GID4: variants seen among roughly 807,000 people sequenced by gnomAD.
The protein encoded by GID4 is GID complex subunit 4 homolog.
GID4 carries 7 observed loss-of-function variants against 32.4 expected under a neutral mutation model. The observed-to-expected ratio is 0.22, with a 90% CI of 0.12 to 0.41. The LOEUF (loss-of-function observed/expected upper bound fraction) is 0.41, where lower values mean the gene tolerates loss of function less well. Among genes scored for constraint, GID4 ranks in the 10% least tolerant of loss-of-function variants. The pLI is 1.00. For synonymous variants in GID4, 166 were observed against 170.0 expected (o/e 0.98, Z 0.18); for missense variants, 309 against 400.0 (o/e 0.77, Z 1.94).
intron 5 of GID4, 23 bp from the exon 6 acceptor site, chr17:18,065,157 T>C (rs2045049477): frequency 6.2e-7 from 1 of 1,602,496 alleles, no homozygotes; most frequent in Non-Finnish European, 8.6e-7. Flanking sequence ...CTACCTCCCG[T>C]TTCTGTCTCC....
chr17:18,047,678 G>C (rs1438217356), intron 2 of GID4, among the ~76,000 whole-genome samples: 1 of 152,208 alleles, frequency 6.6e-6, no homozygotes, highest in Non-Finnish European at 1.5e-5. Flanking sequence ...ACCCTCCCCA[G>C]AGTTGCCTGT....
chr17:18,051,528 T>C (rs2044909550), intron 2 of GID4, among the ~76,000 whole-genome samples: 1 of 151,378 alleles, frequency 6.6e-6, no homozygotes, highest in Non-Finnish European at 1.5e-5. Context: ...ATACAAAAAT[T>C]AGCCACACGT....
At chr17:18,049,312 G>A (rs916340121) in intron 2 of GID4, among the ~76,000 whole-genome samples, 3 of 147,940 alleles carry the variant, frequency 2.0e-5, no homozygotes, top group Non-Finnish European at 4.5e-5. Context: ...CTCCAACCTC[G>A]GCAACAGAGT....
At chr17:18,062,673 G>A (rs191993351) in intron 5 of GID4, among the ~76,000 whole-genome samples, 43 of 152,292 alleles carry the variant, frequency 2.8e-4, no homozygotes, top group Non-Finnish European at 1.2e-4. Context: ...TCCTTGTTCA[G>A]TGGTAACGAA....
At chr17:18,057,384 A>G in intron 3 of GID4, 1 of 211,908 alleles carries the variant, frequency 4.7e-6, no homozygotes, top group Non-Finnish European at 9.6e-6. Context: ...GTGAGCTGAG[A>G]TCATGCCATT....
At position 18,039,574 on chromosome 17, in the gene GID4, G is replaced by C. The variant is rs984736907; in HGVS notation, c.110G>C (p.Arg37Pro). 5 of 1,301,524 alleles carry C rather than the reference G, an allele frequency of 3.8e-6. No homozygotes were observed. The African/African-American group carries it at 6.2e-5, about 16-fold the overall frequency. The allele number at this position is 1,301,524 out of a possible 1,614,324, so 80.6% of individuals were successfully genotyped here. A position where few individuals can be genotyped will look rare whatever the true frequency, so the allele number is the denominator to read the frequency against. The stretch of plus-strand genomic sequence containing the variant: ...CCGGAGCGCTTGCTCCGCAGGCAGC[G>C]GGCGGGTGGTCGCCCCTCCCGCCCC... ...WRPERLLRRQ[R>P]AGGRPSRPHP... The change falls in exon 1 of 6, where the codon CGG (arginine) becomes CCG (proline). Residue 37 changes from arginine to proline, a missense_variant. This residue lies in a region of GID4 where 193 missense variants were observed against 185.8 expected (regional missense o/e 1.04). Transcript: ENST00000268719. This position sits in a 1 kb window ranked among gnomAD's most constrained non-coding sequence, Gnocchi z 5.3.
intron 5 of GID4, 112 bp from the exon 6 acceptor site, chr17:18,065,068 C>T: frequency 2.7e-6 from 2 of 747,266 alleles, no homozygotes; most frequent in Non-Finnish European, 4.8e-6. Flanking sequence ...ATGTGCATTT[C>T]AGTCCAAGTA....
chr17:18,067,464 C>T lies in GID4; in HGVS notation c.*2221C>T, dbSNP rs959269160. ...CAGGTGATGAAGTGCACCCATTGTA[C>T]TGGGAAGAATGAAGAGGTGATACCT... On this transcript the variant is annotated 3_prime_UTR_variant, in exon 6 of 6. Coordinates refer to ENST00000268719, the MANE Select transcript of GID4 (RefSeq NM_024052.5). The T allele has an allele frequency of 6.6e-6, 1 of 152,236 alleles. No homozygotes were observed. Among genetic ancestry groups the T allele is most frequent in the Non-Finnish European group, 1.5e-5 (1 of 68,046 alleles). 9.4% of individuals were successfully genotyped at this position (152,236 alleles called of 1,614,324 possible).
rs1351916771 is a variant in GID4 at position 18,056,578 on chromosome 17, C to T, written c.607-2290C>T. Reference sequence around the variant, plus strand: ...CTCTCTCCCATTCAACTCTATTTTCCATTTCATATTGGTCCTGCAAAAAGC... The same window carrying T: ...CTCTCTCCCATTCAACTCTATTTTCTATTTCATATTGGTCCTGCAAAAAGC... On this transcript the variant is annotated intron_variant, in intron 3 of 5. Transcript: ENST00000268719. 4.7e-6 allele frequency: 4 copies of T among 858,170 alleles called. No individual in the cohort carries two copies. In the African/African-American group the frequency reaches 5.1e-5, roughly 11 times the overall value. 53.2% of individuals were successfully genotyped at this position (858,170 alleles called of 1,614,324 possible).
chr17:18,043,600 G>A (rs1342473961), intron 1 of GID4, among the ~76,000 whole-genome samples: 1 of 152,180 alleles, frequency 6.6e-6, no homozygotes, highest in Non-Finnish European at 1.5e-5. Context: ...GTTTTCACAG[G>A]GAATACCTTT....
chr17:18,040,202 G>A (rs1455995878), intron 1 of GID4, among the ~76,000 whole-genome samples: 1 of 152,186 alleles, frequency 6.6e-6, no homozygotes, highest in African/African-American at 2.4e-5. Flanking sequence ...ATGACTCGGA[G>A]AAGGCCTGGG....
At chr17:18,059,366 AC>A (rs1053107310) in intron 4 of GID4, among the ~76,000 whole-genome samples, 1 of 152,074 alleles carries the variant, frequency 6.6e-6, no homozygotes, top group Non-Finnish European at 1.5e-5. Flanking sequence ...CATCAGTTGT[AC>A]CCAGATCCCT....
chr17:18,067,015 C>T lies in GID4; in HGVS notation c.*1772C>T, dbSNP rs1199450923. 1 of 152,192 alleles carries T rather than the reference C, an allele frequency of 6.6e-6. No homozygotes were observed. Among genetic ancestry groups the T allele is most frequent in the Non-Finnish European group, 1.5e-5 (1 of 68,054 alleles). The allele number at this position is 152,192 out of a possible 1,614,324, so 9.4% of individuals were successfully genotyped here. ...CCCAGAGATGAGTCAGAACAGTCTC[C>T]TCAATCCTGAAATTCAACAAGGCAT... On this transcript the variant is annotated 3_prime_UTR_variant, in exon 6 of 6. Coordinates refer to ENST00000268719, the MANE Select transcript of GID4 (RefSeq NM_024052.5).
chr17:18,062,441 C>T (rs1384027277), intron 5 of GID4, among the ~76,000 whole-genome samples: 2 of 152,182 alleles, frequency 1.3e-5, no homozygotes, highest in African/African-American at 4.8e-5. Flanking sequence ...GTGGACAGTC[C>T]TGTCCAGTGT....
In GID4 at chr17:18,039,567, A is replaced by C; in HGVS notation, c.103A>C (p.Arg35=). The stretch of plus-strand genomic sequence containing the variant: ...GTGGCGGCCGGAGCGCTTGCTCCGC[A>C]GGCAGCGGGCGGGTGGTCGCCCCTC... ...SRWRPERLLR[R]QRAGGRPSRP... is the part of the protein sequence containing the mutation. The change falls in exon 1 of 6, where the codon AGG becomes CGG. Residue 35 remains arginine (R), a synonymous_variant. Transcript: ENST00000268719. The surrounding 1 kb of genome is among the most constrained non-coding windows in gnomAD (Gnocchi z 5.3). The C allele has an allele frequency of 7.7e-7, 1 of 1,302,226 alleles. No homozygotes were observed. 80.7% of individuals were successfully genotyped at this position (1,302,226 alleles called of 1,614,324 possible). A position where few individuals can be genotyped will look rare whatever the true frequency, so the allele number is the denominator to read the frequency against.
chr17:18,056,141 C>A (rs1008764865), intron 3 of GID4, among the ~76,000 whole-genome samples: 9 of 152,262 alleles, frequency 5.9e-5, no homozygotes, highest in African/African-American at 2.2e-4. Context: ...AGGCGTGAGC[C>A]ACCATGCCCA....
intron 2 of GID4, among the ~76,000 whole-genome samples, chr17:18,052,699 AT>A (rs1200368318): frequency 6.6e-6 from 1 of 152,216 alleles, no homozygotes; most frequent in Non-Finnish European, 1.5e-5. Context: ...CTTTTTTAAA[AT>A]CATTGGTGCC....
At chr17:18,046,847 G>A (rs776324801) in intron 2 of GID4, among the ~76,000 whole-genome samples, 10 of 150,950 alleles carry the variant, frequency 6.6e-5, no homozygotes, top group Admixed American at 6.6e-5. Context: ...GCTTGAACCC[G>A]GGAGGCGGAG....
At chr17:18,062,135 C>T in intron 5 of GID4, 160 bp downstream of exon 5, 1 of 662,386 alleles carries the variant, frequency 1.5e-6, no homozygotes. Context: ...CAGTTGCTCA[C>T]AATAAGGCCT....
Sources: allele counts gnomAD v4.1 joint callset (sites outside exome capture counted in the v4.1 genomes callset), GRCh38; gene constraint gnomAD v4.1.1; regional missense constraint gnomAD v4.1.1; non-coding constraint Gnocchi (gnomAD v3.1); transcripts MANE v1.5; gene names NCBI Gene and HGNC (gene_info 2026-07-23, HGNC 2026-07-21).